CCDC7: variants seen among roughly 807,000 people sequenced by gnomAD.
The protein encoded by CCDC7 is coiled-coil domain-containing protein 7.
In CCDC7, 183 loss-of-function variants were observed where a neutral mutation model predicts 196.9. The observed-to-expected ratio is 0.93, with a 90% confidence interval of 0.82 to 1.05. CCDC7 has a LOEUF of 1.05. Among genes scored for constraint, CCDC7 ranks in the 50% least tolerant of loss-of-function variants. The probability of loss-of-function intolerance (pLI) is 0.00; values close to 1 mark genes in which losing one functional copy is unlikely to be tolerated. For synonymous variants in CCDC7, 525 were observed against 484.6 expected, an observed-to-expected ratio of 1.08 and a Z score of -1.10; for missense variants, 1,540 against 1,482.2, an observed-to-expected ratio of 1.04 and a Z score of -0.64.
chr10:32,632,150 G>T (rs1404777262), intron 18 of CCDC7, among the ~76,000 whole-genome samples: 2 of 115,016 alleles, frequency 1.7e-5, no homozygotes, highest in African/African-American at 3.0e-5. Flanking sequence ...GGGGGGGGGG[G>T]GGTCTAATTT....
chr10:32,611,962 A>T (rs2062197651), intron 18 of CCDC7, among the ~76,000 whole-genome samples: 2 of 152,200 alleles, frequency 1.3e-5, no homozygotes, highest in South Asian at 4.1e-4. Flanking sequence ...GAAGAAAGTC[A>T]ATGGTATCTT....
At chr10:32,870,525 A>G (rs1419572522) in intron 41 of CCDC7, among the ~76,000 whole-genome samples, 1 of 152,210 alleles carries the variant, frequency 6.6e-6, no homozygotes, top group Admixed American at 6.6e-5. Flanking sequence ...CTAGATATAC[A>G]ATCATGTCAT....
intron 18 of CCDC7, among the ~76,000 whole-genome samples, chr10:32,612,661 A>G (rs2062298292): frequency 1.3e-5 from 2 of 152,120 alleles, no homozygotes; most frequent in African/African-American, 4.8e-5. Flanking sequence ...CCTTTTCTAC[A>G]TCTATTGAGA....
intron 28 of CCDC7, among the ~76,000 whole-genome samples, chr10:32,730,008 A>C (rs1219521815): frequency 6.6e-6 from 1 of 152,128 alleles, no homozygotes; most frequent in Non-Finnish European, 1.5e-5. Context: ...CTTGAATTTT[A>C]AGTTCTGGGG....
At chr10:32,477,289 C>T (rs1369315057) in intron 8 of CCDC7, among the ~76,000 whole-genome samples, 2 of 151,966 alleles carry the variant, frequency 1.3e-5, no homozygotes, top group Non-Finnish European at 1.5e-5. Flanking sequence ...CTGCAACCTC[C>T]GCCTCCCTGT....
intron 20 of CCDC7, among the ~76,000 whole-genome samples, chr10:32,654,324 A>T (rs916207097): frequency 3.9e-5 from 6 of 152,038 alleles, no homozygotes; most frequent in Admixed American, 3.9e-4. Flanking sequence ...CTTCAGGGAG[A>T]GTTTTTATTA....
intron 11 of CCDC7, among the ~76,000 whole-genome samples, chr10:32,529,940 T>C (rs1221160464): frequency 6.6e-6 from 1 of 152,208 alleles, no homozygotes; most frequent in Admixed American, 6.5e-5. Context: ...CTTGAGTTGA[T>C]TTTTGTATAA....
At chr10:32,722,559 T>C (rs771051090) in intron 25 of CCDC7, among the ~76,000 whole-genome samples, 8 of 152,126 alleles carry the variant, frequency 5.3e-5, no homozygotes, top group Non-Finnish European at 1.2e-4. Flanking sequence ...GGCTTCTATA[T>C]GCATCACCCC....
intron 29 of CCDC7, among the ~76,000 whole-genome samples, chr10:32,793,389 A>G (rs1030816243): frequency 6.6e-6 from 1 of 152,184 alleles, no homozygotes; most frequent in African/African-American, 2.4e-5. Flanking sequence ...ATATAAATTG[A>G]AGCCTTGTAA....
At chr10:32,528,606 G>C (rs1001012475) in intron 11 of CCDC7, among the ~76,000 whole-genome samples, 16 of 150,248 alleles carry the variant, frequency 1.1e-4, no homozygotes, top group Non-Finnish European at 2.1e-4. Context: ...TGGCTGAGTA[G>C]TATTCCATGG....
chr10:32,633,696 A>ATATATATGTG lies in CCDC7; in HGVS notation c.1802-557_1802-556insATATATGTGT, dbSNP rs779341941. 6.9e-3 allele frequency among the ~76,000 whole-genome samples: 929 copies of ATATATATGTG among 135,166 alleles called. 7 individuals carry two copies. Among genetic ancestry groups the ATATATATGTG allele is most frequent in the Middle Eastern group, 0.019 (5 of 266 alleles). The allele number at this position is 135,166 out of a possible 152,430, so 88.7% of individuals were successfully genotyped here. On this transcript the variant is annotated intron_variant, in intron 18 of 41. Transcript: ENST00000639629. ...TTTAGCTTTGTGTATATATATATATATGTGTGTGTGTGTGTGTGTGTGTGT... is the reference window on the plus strand; with the variant it reads ...TTTAGCTTTGTGTATATATATATATATATATATGTGTGTGTGTGTGTGTGTGTGTGTGTGT...
chr10:32,637,946 A>AT, intron 20 of CCDC7, among the ~76,000 whole-genome samples: 1 of 152,162 alleles, frequency 6.6e-6, no homozygotes. Flanking sequence ...GGTCCTTCAC[A>AT]TCCCTTGTAA....
chr10:32,716,259 A>G (rs933125082), intron 25 of CCDC7, among the ~76,000 whole-genome samples: 1 of 152,182 alleles, frequency 6.6e-6, no homozygotes, highest in Non-Finnish European at 1.5e-5. Context: ...CAACATTCTT[A>G]AAGAATTTTC....
intron 13 of CCDC7, among the ~76,000 whole-genome samples, chr10:32,565,259 T>C (rs1234463206): frequency 6.6e-6 from 1 of 152,216 alleles, no homozygotes; most frequent in Non-Finnish European, 1.5e-5. Flanking sequence ...GTTCTTCTTT[T>C]AGTAAAATTT....
intron 16 of CCDC7, chr10:32,574,520 A>AT: frequency 6.7e-7 from 1 of 1,498,644 alleles, no homozygotes; most frequent in Non-Finnish European, 8.9e-7. Context: ...ACCTGAGCAG[A>AT]TACATGGTAT....
intron 21 of CCDC7, among the ~76,000 whole-genome samples, chr10:32,678,571 T>C (rs1034446305): frequency 6.6e-6 from 1 of 152,130 alleles, no homozygotes; most frequent in Admixed American, 6.5e-5. Flanking sequence ...TCTTCCTGCC[T>C]CTTTTTTTTG....
intron 41 of CCDC7, among the ~76,000 whole-genome samples, chr10:32,867,300 G>A (rs1248951272): frequency 6.6e-6 from 1 of 151,386 alleles, no homozygotes; most frequent in Non-Finnish European, 1.5e-5. Context: ...AAAGTTTTAC[G>A]GGTAAAGAGA....
intron 30 of CCDC7, among the ~76,000 whole-genome samples, chr10:32,810,114 A>G (rs2086763058): frequency 6.6e-6 from 1 of 152,176 alleles, no homozygotes; most frequent in African/African-American, 2.4e-5. Context: ...ATGATAAACA[A>G]CACAAGAGAA....
At chr10:32,623,128 G>T (rs1442866193) in intron 18 of CCDC7, among the ~76,000 whole-genome samples, 1 of 151,994 alleles carries the variant, frequency 6.6e-6, no homozygotes, top group East Asian at 1.9e-4. Context: ...CATATAGATT[G>T]CAAGTGTCTT....
Sources: allele counts gnomAD v4.1 joint callset (sites outside exome capture counted in the v4.1 genomes callset), GRCh38; gene constraint gnomAD v4.1.1; transcripts MANE v1.5; gene names NCBI Gene and HGNC (gene_info 2026-07-23, HGNC 2026-07-21).